Variants in ZNF596 observed in about 807,000 individuals in gnomAD.
ZNF596 encodes the protein zinc finger protein 596.
A neutral mutation model predicts 48.3 loss-of-function variants in ZNF596; 45 were observed. The observed-to-expected ratio is 0.93, with a 90% CI of 0.73 to 1.19. The LOEUF is 1.19. ZNF596 is among the 50% of genes most tolerant of loss of function. The pLI, the probability that ZNF596 is intolerant of heterozygous loss-of-function variation, is 0.00. For missense variants in ZNF596, 848 were observed against 599.7 expected (o/e 1.41, Z -4.32); for synonymous variants, 270 against 202.0 (o/e 1.34, Z -2.85).
rs762150858 is a variant in ZNF596, at chr8:245,227, C to G, written c.380C>G (p.Thr127Ser). The G allele has an allele frequency of 6.2e-7, 1 of 1,613,882 alleles. No homozygotes were observed. Among genetic ancestry groups the G allele is most frequent in the South Asian group, 1.1e-5 (1 of 91,034 alleles). The change falls in exon 6 of 6, where the codon ACT (threonine) becomes AGT (serine). Residue 127 changes from threonine to serine, a missense_variant. Physicochemically the swap from Thr to Ser is moderately conservative, Grantham distance 58. Coordinates refer to ENST00000398612, the MANE Select transcript of ZNF596 (RefSeq NM_001042416.3). ...GATTTCACTCAACATATAGCATTGA[C>G]TCAAAATGTGATTACCTACATGAGA... is the stretch of plus-strand genomic sequence containing the variant. ...GEDFTQHIAL[T>S]QNVITYMRTK...
rs1797094223 is a variant in ZNF596, at chr8:246,424, A to G, written c.*62A>G. The G allele has an allele frequency of 6.6e-7, 1 of 1,513,664 alleles. No homozygotes were observed. Among genetic ancestry groups the G allele is most frequent in the African/African-American group, 1.4e-5 (1 of 71,700 alleles). 93.8% of individuals were successfully genotyped at this position (1,513,664 alleles called of 1,614,324 possible). On this transcript the variant is annotated 3_prime_UTR_variant, in exon 6 of 6. Coordinates refer to ENST00000398612, the MANE Select transcript of ZNF596 (RefSeq NM_001042416.3). The stretch of plus-strand genomic sequence containing the variant: ...AGGACAAACATACTACAGGAATATT[A>G]TGTCTGTAATCAGTGTGGAAAAGCC...
chr8:238,080 C>A (rs549077592), intron 1 of ZNF596, among the ~76,000 whole-genome samples: 48 of 152,330 alleles, frequency 3.2e-4, no homozygotes, highest in Non-Finnish European at 2.4e-4. Flanking sequence ...ACATGCCTTT[C>A]AGTCTAGCAC....
Position 246,762 on chromosome 8 carries a change from C to G in ZNF596, c.*400C>G, listed in dbSNP as rs1012307465. On this transcript the variant is annotated 3_prime_UTR_variant, in exon 6 of 6. Coordinates refer to ENST00000398612, the MANE Select transcript of ZNF596 (RefSeq NM_001042416.3). The stretch of plus-strand genomic sequence containing the variant: ...TATGTCTGTAATTGCTGTGCACTCT[C>G]ATTCAGCTAAGCACCAATTTTGGTG... 1 of 165,180 alleles carries G rather than the reference C, an allele frequency of 6.1e-6. No individual in the cohort carries two copies. Among genetic ancestry groups the G allele is most frequent in the Non-Finnish European group, 1.3e-5 (1 of 76,426 alleles). 10.2% of individuals were successfully genotyped at this position (165,180 alleles called of 1,614,324 possible).
intron 1 of ZNF596, chr8:233,840 C>CT (rs1796520688): frequency 6.6e-6 from 1 of 152,150 alleles, no homozygotes; most frequent in South Asian, 2.1e-4. Context: ...ATCGCTGTTA[C>CT]TTAAGAGTGT....
At position 245,849 on chromosome 8, in the gene ZNF596, A is replaced by T. The variant is rs1797055096; in HGVS notation, c.1002A>T (p.Pro334=). Residue 334 remains proline (P), a synonymous_variant, in exon 6 of 6, where the codon CCA becomes CCT. Coordinates refer to ENST00000398612, the MANE Select transcript of ZNF596 (RefSeq NM_001042416.3). ...QHERTHNGEK[P]YECHLCGKAF... Reference sequence around the variant, plus strand: ...AAAGAACTCACAATGGAGAGAAACCATATGAATGTCATCTATGTGGAAAAG... The same window carrying T: ...AAAGAACTCACAATGGAGAGAAACCTTATGAATGTCATCTATGTGGAAAAG... 6.2e-7 allele frequency: 1 copy of T among 1,613,990 alleles called. No individual in the cohort carries two copies. Among genetic ancestry groups the T allele is most frequent in the African/African-American group, 1.3e-5 (1 of 74,918 alleles).
intron 5 of ZNF596, 120 bp downstream of exon 5, chr8:244,821 T>C: frequency 1.2e-6 from 1 of 815,490 alleles, no homozygotes; most frequent in Non-Finnish European, 1.9e-6. Flanking sequence ...TTAGATAGTT[T>C]GGATTTAGTG....
rs186344589 is a variant in ZNF596 at position 246,198 on chromosome 8, A to G, written c.1351A>G (p.Ile451Val). 3 of 1,613,894 alleles carry G rather than the reference A, an allele frequency of 1.9e-6. No homozygotes were observed. Among genetic ancestry groups the G allele is most frequent in the South Asian group, 1.1e-5 (1 of 91,076 alleles). Residue 451 changes from isoleucine (I) to valine (V), a missense_variant, in exon 6 of 6, where the codon ATA (isoleucine) becomes GTA (valine). Physicochemically the swap from Ile to Val is conservative, Grantham distance 29. Transcript: ENST00000398612. Reference protein sequence around the residue: ...HTGEKPYECNICGKAFNRSYN... With the variant: ...HTGEKPYECNVCGKAFNRSYN... ...TGGAGAGAAACCATATGAATGCAAT[A>G]TATGTGGTAAAGCCTTCAATAGAAG...
At position 243,760 on chromosome 8, in the gene ZNF596, G is replaced by A. The variant is rs1796947022; in HGVS notation, c.178G>A (p.Glu60Lys). 3 of 1,613,752 alleles carry A rather than the reference G, an allele frequency of 1.9e-6. No individual in the cohort carries two copies. Among genetic ancestry groups the A allele is most frequent in the Non-Finnish European group, 2.5e-6 (3 of 1,179,816 alleles). Residue 60 changes from glutamate (E) to lysine (K), a missense_variant, in exon 4 of 6, where the codon GAG becomes AAG. Coordinates refer to ENST00000398612, the MANE Select transcript of ZNF596 (RefSeq NM_001042416.3). ...CAAATCAGTTGTGCTTTCCCAATTGGAGCAAGTAGAGAAACTTTCAACACA... is the reference window on the plus strand; with the variant it reads ...CAAATCAGTTGTGCTTTCCCAATTGAAGCAAGTAGAGAAACTTTCAACACA... ...LCKSVVLSQL[E>K]QVEKLSTQRI...
Position 243,719 on chromosome 8 carries a change from C to G in ZNF596, c.140-3C>G, listed in dbSNP as rs746615162. ...AATCCATGTATCTTTTTCCCCAAAA[C>G]AGGCAAACAGCTCTGCAAATCAGTT... On this transcript the variant is annotated splice_region_variant and splice_polypyrimidine_tract_variant and intron_variant, in intron 3 of 5. Transcript: ENST00000398612. 1 of 1,613,004 alleles carries G rather than the reference C, an allele frequency of 6.2e-7. No homozygotes were observed. Among genetic ancestry groups the G allele is most frequent in the African/African-American group, 1.3e-5 (1 of 74,872 alleles).
At position 246,233 on chromosome 8, in the gene ZNF596, T is replaced by C. The variant is rs763219046; in HGVS notation, c.1386T>C (p.Phe462=). Residue 462 remains phenylalanine, a synonymous_variant, in exon 6 of 6, where the codon TTT becomes TTC. Coordinates refer to ENST00000398612, the MANE Select transcript of ZNF596 (RefSeq NM_001042416.3). ...CGKAFNRSYN[F]RLHRRVHTGE... is the part of the protein sequence containing the mutation. Reference sequence around the variant, plus strand: ...AAGCCTTCAATAGAAGTTACAACTTTAGACTTCATAGAAGAGTTCACACTG... The same window carrying C: ...AAGCCTTCAATAGAAGTTACAACTTCAGACTTCATAGAAGAGTTCACACTG... 7.1e-5 allele frequency: 115 copies of C among 1,614,026 alleles called. No individual in the cohort carries two copies. Among genetic ancestry groups the C allele is most frequent in the Non-Finnish European group, 9.4e-5 (111 of 1,180,024 alleles).
At chr8:232,976 C>T (rs1475336111) in intron 1 of ZNF596, 3 of 468,618 alleles carry the variant, frequency 6.4e-6, no homozygotes, top group Admixed American at 4.7e-5. Flanking sequence ...GGGTGTTTAC[C>T]TTCCCGGTGT....
Position 245,224 on chromosome 8 carries a change from T to TGA in ZNF596, c.378_379dup (p.Thr127ArgfsTer5), listed in dbSNP as rs770860319. On this transcript the variant is annotated frameshift_variant, in exon 6 of 6. Transcript: ENST00000398612. LOFTEE classifies it high-confidence loss of function. The stretch of plus-strand genomic sequence containing the variant: ...GAAGATTTCACTCAACATATAGCAT[T>TGA]GACTCAAAATGTGATTACCTACATG... The TGA allele has an allele frequency of 4.0e-5, 64 of 1,613,772 alleles. No homozygotes were observed. Among genetic ancestry groups the TGA allele is most frequent in the Non-Finnish European group, 5.3e-5 (63 of 1,179,932 alleles).
intron 1 of ZNF596, among the ~76,000 whole-genome samples, chr8:239,350 A>G (rs970288701): frequency 2.6e-5 from 4 of 151,996 alleles, no homozygotes; most frequent in Non-Finnish European, 5.9e-5. Context: ...CACCATGCCC[A>G]GCTAATTTTT....
At chr8:244,905 C>T (rs1042123390) in intron 5 of ZNF596, among the ~76,000 whole-genome samples, 1 of 152,216 alleles carries the variant, frequency 6.6e-6, no homozygotes, top group African/African-American at 2.4e-5. Flanking sequence ...TGACTACGTG[C>T]TGAAACTTTC....
At chr8:241,226 A>G (rs9314442) in intron 2 of ZNF596, among the ~76,000 whole-genome samples, 17,476 of 152,130 alleles carry the variant, frequency 0.11, 1,243 homozygotes, top group East Asian at 0.33. Flanking sequence ...AAATTCACTC[A>G]TTACCTATGT....
Position 242,895 on chromosome 8 carries a change from G to A in ZNF596, c.21G>A (p.Met7Ile). 6.4e-7 allele frequency: 1 copy of A among 1,556,962 alleles called. No individual in the cohort carries two copies. Among genetic ancestry groups the A allele is most frequent in the South Asian group, 1.2e-5 (1 of 84,460 alleles). Residue 7 changes from methionine to isoleucine, a missense_variant, in exon 3 of 6, where the codon ATG (methionine) becomes ATA (isoleucine). Met to Ile is a conservative substitution (Grantham distance 10). Transcript: ENST00000398612. Reference protein sequence around the residue: MPSPDSMTFEDIIVDFT... With the variant: MPSPDSITFEDIIVDFT... ...TGTCCATAATGTTTTAGGATTCCAT[G>A]ACCTTCGAGGATATCATTGTAGACT...
chr8:246,523 A>G lies in ZNF596; in HGVS notation c.*161A>G, dbSNP rs560737517. Reference sequence around the variant, plus strand: ...GAGAATCCAGATGTATTTAATGTTTATGGCACAAACTTCAGACTCTAGGCT... The same window carrying G: ...GAGAATCCAGATGTATTTAATGTTTGTGGCACAAACTTCAGACTCTAGGCT... On this transcript the variant is annotated 3_prime_UTR_variant, in exon 6 of 6. Transcript: ENST00000398612. The G allele has an allele frequency of 9.9e-6, 9 of 911,552 alleles. No individual in the cohort carries two copies. The highest frequency in any genetic ancestry group is 6.4e-5 in the Admixed American group (2 of 31,212). The allele number at this position is 911,552 out of a possible 1,614,324, so 56.5% of individuals were successfully genotyped here.
intron 5 of ZNF596, 62 bp downstream of exon 5, chr8:244,763 G>C (rs1321106228): frequency 2.8e-6 from 4 of 1,413,362 alleles, no homozygotes; most frequent in Non-Finnish European, 3.9e-6. Context: ...AAACAACTTT[G>C]GAATTTGGTA....
At chr8:236,849 A>T (rs909503729) in intron 1 of ZNF596, among the ~76,000 whole-genome samples, 2 of 152,240 alleles carry the variant, frequency 1.3e-5, no homozygotes, top group Non-Finnish European at 2.9e-5. Context: ...AAATGTAAGT[A>T]AGGAAAATTG....
Sources: allele counts gnomAD v4.1 joint callset (sites outside exome capture counted in the v4.1 genomes callset), GRCh38; gene constraint gnomAD v4.1.1; transcripts MANE v1.5; gene names NCBI Gene and HGNC (gene_info 2026-07-23, HGNC 2026-07-21).